Variants in EEFSEC observed in about 807,000 individuals in gnomAD.
The protein encoded by EEFSEC is eukaryotic elongation factor, selenocysteine-tRNA specific.
EEFSEC carries 43 observed loss-of-function variants against 42.1 expected under a neutral mutation model. The observed-to-expected ratio is 1.02, with a 90% CI of 0.80 to 1.32. The LOEUF (loss-of-function observed/expected upper bound fraction) is 1.32. Among genes scored for constraint, EEFSEC ranks in the 40% most tolerant of loss-of-function variants. The pLI is 0.00. For synonymous variants in EEFSEC, 354 were observed against 339.1 expected, an observed-to-expected ratio of 1.04 and a Z score of -0.48; for missense variants, 745 against 803.6, an observed-to-expected ratio of 0.93 and a Z score of 0.88.
chr3:128,322,316 C>T (rs1559919554), intron 4 of EEFSEC, among the ~76,000 whole-genome samples: 1 of 152,254 alleles, frequency 6.6e-6, no homozygotes, highest in East Asian at 1.9e-4. Flanking sequence ...TGTGGAGGGA[C>T]CGTGTCCCTA....
At chr3:128,155,255 C>T (rs547788322) in intron 1 of EEFSEC, among the ~76,000 whole-genome samples, 1 of 152,276 alleles carries the variant, frequency 6.6e-6, no homozygotes, top group Admixed American at 6.5e-5. Context: ...GCTGGGACTA[C>T]AGGTGCACAT....
At chr3:128,419,803 A>G in the EEFSEC span, among the ~76,000 whole-genome samples, 8 of 152,026 alleles carry the variant, frequency 5.3e-5, no homozygotes, top group Admixed American at 2.0e-4. Context: ...TGAGGCCCCG[A>G]CACATCTCTG....
intron 6 of EEFSEC, among the ~76,000 whole-genome samples, chr3:128,388,529 C>T (rs1039226078): frequency 5.3e-5 from 8 of 152,242 alleles, no homozygotes; most frequent in Non-Finnish European, 1.2e-4. Context: ...ACATGTCTGC[C>T]CAGGTGGGCT....
intron 4 of EEFSEC, among the ~76,000 whole-genome samples, chr3:128,314,492 C>T (rs2066924168): frequency 6.6e-6 from 1 of 152,084 alleles, no homozygotes; most frequent in African/African-American, 2.4e-5. Context: ...TACAGGTGTG[C>T]ACCACCACAC....
chr3:128,284,287 A>C (rs1320140474), intron 4 of EEFSEC, among the ~76,000 whole-genome samples: 1 of 152,242 alleles, frequency 6.6e-6, no homozygotes, highest in Non-Finnish European at 1.5e-5. Context: ...AATTCTTCCT[A>C]GAATACTGCA....
intron 1 of EEFSEC, among the ~76,000 whole-genome samples, chr3:128,240,063 T>C (rs546084346): frequency 1.3e-5 from 2 of 152,362 alleles, no homozygotes; most frequent in African/African-American, 4.8e-5. Flanking sequence ...GAGTGTGGCA[T>C]GCTGCCCTGT....
chr3:128,181,116 G>A (rs2065400598), intron 1 of EEFSEC, among the ~76,000 whole-genome samples: 1 of 152,142 alleles, frequency 6.6e-6, no homozygotes, highest in African/African-American at 2.4e-5. Flanking sequence ...CATGTCCTTT[G>A]GCAGGTGACG....
In EEFSEC at chr3:128,312,758, G is replaced by A. The variant is rs370059366; in HGVS notation, c.787-28475G>A. ...AGGGACCTGGGCCAGGCTGTGGGGAGGAGGGAGAAGGCCCTCTGCAATTTT... is the reference window on the plus strand; with the variant it reads ...AGGGACCTGGGCCAGGCTGTGGGGAAGAGGGAGAAGGCCCTCTGCAATTTT... On this transcript the variant is annotated intron_variant, in intron 4 of 6. Coordinates refer to ENST00000254730, the MANE Select transcript of EEFSEC (RefSeq NM_021937.5). 3.7e-4 allele frequency among the ~76,000 whole-genome samples: 57 copies of A among 152,340 alleles called. No individual in the cohort carries two copies. The South Asian group carries it at 0.011, about 28-fold the overall frequency.
chr3:128,176,049 A>G (rs2065344740), intron 1 of EEFSEC, among the ~76,000 whole-genome samples: 1 of 152,210 alleles, frequency 6.6e-6, no homozygotes, highest in Admixed American at 6.5e-5. Context: ...AGCTAAATGT[A>G]GTATTTATCT....
intron 1 of EEFSEC, among the ~76,000 whole-genome samples, chr3:128,244,827 C>T (rs1309454656): frequency 6.6e-6 from 1 of 152,226 alleles, no homozygotes; most frequent in African/African-American, 2.4e-5. Context: ...ACAAATCACA[C>T]TCTGCACATT....
chr3:128,336,165 C>T (rs1026088633), intron 4 of EEFSEC, among the ~76,000 whole-genome samples: 1 of 152,144 alleles, frequency 6.6e-6, no homozygotes, highest in African/African-American at 2.4e-5. Context: ...CTGCTCCCAC[C>T]TAGCATGAGG....
chr3:128,283,762 T>G (rs942591015), intron 4 of EEFSEC, among the ~76,000 whole-genome samples: 4 of 152,138 alleles, frequency 2.6e-5, no homozygotes, highest in Non-Finnish European at 5.9e-5. Context: ...GACATTTGTG[T>G]GAGGCTGCCC....
chr3:128,317,637 A>C lies in EEFSEC; in HGVS notation c.787-23596A>C, dbSNP rs1245375660. Among the ~76,000 whole-genome samples the C allele has an allele frequency of 1.3e-5, 2 of 152,196 alleles. No individual in the cohort carries two copies. The highest frequency in any genetic ancestry group is 2.9e-5 in the Non-Finnish European group (2 of 68,032). On this transcript the variant is annotated intron_variant, in intron 4 of 6. Transcript: ENST00000254730. The surrounding 1 kb of genome is among the most constrained non-coding windows in gnomAD (Gnocchi z 4.1). ...CCCTGTGTGGCATCTCACGGTATTC[A>C]TCTGCCGGCAGAGGAGAGTTCCAGC...
intron 2 of EEFSEC, among the ~76,000 whole-genome samples, chr3:128,261,643 A>G (rs1474970630): frequency 6.7e-6 from 1 of 149,938 alleles, no homozygotes; most frequent in Admixed American, 6.7e-5. Context: ...CTTCTTAAAG[A>G]TGCGGGGGCT....
intron 4 of EEFSEC, among the ~76,000 whole-genome samples, chr3:128,325,680 T>A (rs1199070360): frequency 6.6e-6 from 1 of 152,220 alleles, no homozygotes; most frequent in East Asian, 1.9e-4. Flanking sequence ...ACTTTAGACA[T>A]TTTTGTGGAG....
At chr3:128,264,905 C>T in intron 4 of EEFSEC, 124 bp downstream of exon 4, 1 of 1,191,554 alleles carries the variant, frequency 8.4e-7, no homozygotes, top group Non-Finnish European at 1.1e-6. Context: ...ACTGCCTGCT[C>T]CGCCCCACCT....
intron 1 of EEFSEC, among the ~76,000 whole-genome samples, chr3:128,167,936 G>A (rs1189577607): frequency 6.6e-6 from 1 of 152,142 alleles, no homozygotes; most frequent in Non-Finnish European, 1.5e-5. Context: ...TTGTACTTTG[G>A]TAATTCTTCT....
intron 6 of EEFSEC, among the ~76,000 whole-genome samples, chr3:128,373,689 CT>C (rs1434896539): frequency 4.6e-5 from 7 of 152,206 alleles, no homozygotes; most frequent in Non-Finnish European, 5.9e-5. Flanking sequence ...CAGATACAGG[CT>C]AGTGCCTATA....
intron 4 of EEFSEC, among the ~76,000 whole-genome samples, chr3:128,294,009 A>T (rs1419762404): frequency 2.0e-5 from 3 of 152,192 alleles, no homozygotes; most frequent in Non-Finnish European, 4.4e-5. Context: ...AGTCAGAGGC[A>T]CTTGTTCTAT....
Sources: gnomAD v4.1 joint callset for allele counts (sites outside exome capture counted in the v4.1 genomes callset) on GRCh38, gnomAD v4.1.1 for gene constraint, Gnocchi (gnomAD v3.1) non-coding constraint, MANE v1.5 for transcripts, NCBI Gene and HGNC (gene_info 2026-07-23, HGNC 2026-07-21) for gene names.